The following GNA12 variants were observed in gnomAD, a reference collection of about 807,000 sequenced individuals.
GNA12 encodes G protein subunit alpha 12, also known as guanine nucleotide-binding protein subunit alpha-12.
A neutral mutation model predicts 26.0 loss-of-function variants in GNA12; 9 were observed. The observed-to-expected ratio is 0.35, with a 90% CI of 0.21 to 0.60. GNA12 has a LOEUF of 0.60. Ranked by LOEUF, GNA12 falls within the 20% of genes least tolerant of loss-of-function variation. The pLI is 0.78. For missense variants in GNA12, 405 were observed against 525.8 expected (o/e 0.77, Z 2.25); for synonymous variants, 264 against 219.6 (o/e 1.20, Z -1.79).
chr7:2,842,917 C>T (rs940624717), intron 1 of GNA12, among the ~76,000 whole-genome samples: 12 of 152,198 alleles, frequency 7.9e-5, no homozygotes, highest in Non-Finnish European at 1.5e-4. Context: ...AGGATTGGCA[C>T]AGAATTGATG....
rs145290282 is a variant in GNA12 at position 2,757,832 on chromosome 7, CAT to C, written c.526-24333_526-24332del. ...TGAACGCTTGCTGAGTCAATGAAGA[CAT>C]GTGTTTTTTCAAACCTGACTTTTTA... On this transcript the variant is annotated intron_variant, in intron 2 of 3. Transcript: ENST00000275364. Among the ~76,000 whole-genome samples, 1,412 of 152,274 alleles carry C rather than the reference CAT, an allele frequency of 9.3e-3. 15 individuals are homozygous for C. The highest frequency in any genetic ancestry group is 0.032 in the African/African-American group (1,328 of 41,542).
intron 3 of GNA12, among the ~76,000 whole-genome samples, chr7:2,732,359 C>A (rs369938940): frequency 2.0e-5 from 3 of 152,212 alleles, no homozygotes; most frequent in African/African-American, 7.2e-5. Context: ...ACAGCCTGGG[C>A]AACATAGTAA....
At chr7:2,748,814 GA>G (rs1397199931) in intron 2 of GNA12, among the ~76,000 whole-genome samples, 1 of 151,752 alleles carries the variant, frequency 6.6e-6, no homozygotes, top group Non-Finnish European at 1.5e-5. Flanking sequence ...AAATTTACAA[GA>G]AAAAAACAAA....
chr7:2,737,289 G>GTTTT (rs11389467), intron 2 of GNA12, among the ~76,000 whole-genome samples: 193 of 62,232 alleles, frequency 3.1e-3, no homozygotes, highest in Middle Eastern at 0.01. Flanking sequence ...TTTTTTTTTT[G>GTTTT]TTTTTTTTTT....
At chr7:2,780,569 T>C (rs4719676) in intron 2 of GNA12, among the ~76,000 whole-genome samples, 26,546 of 152,108 alleles carry the variant, frequency 0.17, 2,378 homozygotes, top group Non-Finnish European at 0.21. Context: ...TTTTATCTCC[T>C]GTGTATGCAC....
chr7:2,739,512 G>A (rs1790390760), intron 2 of GNA12, among the ~76,000 whole-genome samples: 1 of 152,134 alleles, frequency 6.6e-6, no homozygotes, highest in Admixed American at 6.5e-5. Flanking sequence ...GCCATTGTAT[G>A]GATATGTGGT....
intron 1 of GNA12, among the ~76,000 whole-genome samples, chr7:2,812,059 C>A (rs1467210164): frequency 1.3e-5 from 2 of 152,242 alleles, no homozygotes; most frequent in Admixed American, 1.3e-4. Context: ...TTTCACGCGA[C>A]TCCTCTCCAA....
intron 1 of GNA12, among the ~76,000 whole-genome samples, chr7:2,806,086 T>C (rs148683019): frequency 1.3e-5 from 2 of 152,386 alleles, no homozygotes; most frequent in East Asian, 3.9e-4. Context: ...TTCTCCTTAA[T>C]GTGGCTACTA....
rs112584645 is a variant in GNA12 at position 2,804,924 on chromosome 7, G to A, written c.310-9781C>T. 3.3e-3 allele frequency among the ~76,000 whole-genome samples: 503 copies of A among 151,590 alleles called. 6 individuals are homozygous for A. Among genetic ancestry groups the A allele is most frequent in the Non-Finnish European group, 3.8e-3 (256 of 67,876 alleles). On this transcript the variant is annotated intron_variant, in intron 1 of 3. Transcript: ENST00000275364. ...AATAAATTAAAAAAAAAAAGATATT[G>A]AAGAGGATACGCAGCTAATGTTCAT...
intron 1 of GNA12, chr7:2,814,424 A>T: frequency 8.7e-7 from 1 of 1,149,686 alleles, no homozygotes. Flanking sequence ...CTATAATCTG[A>T]ATTAAAGACA....
intron 1 of GNA12, among the ~76,000 whole-genome samples, 160 bp downstream of exon 1, chr7:2,843,693 G>A (rs1332943642): frequency 6.6e-6 from 1 of 150,546 alleles, no homozygotes; most frequent in East Asian, 2.0e-4. Flanking sequence ...AGCAGGCCTC[G>A]GGGAATGGGT....
At chr7:2,778,200 T>A (rs140332380) in intron 2 of GNA12, among the ~76,000 whole-genome samples, 1 of 152,304 alleles carries the variant, frequency 6.6e-6, no homozygotes, top group East Asian at 1.9e-4. Context: ...CGCCACAATT[T>A]TTTCAAAAAG....
intron 1 of GNA12, among the ~76,000 whole-genome samples, chr7:2,820,727 A>C (rs776472556): frequency 1.3e-5 from 2 of 152,140 alleles, no homozygotes; most frequent in Non-Finnish European, 2.9e-5. Context: ...AGGAAACTCC[A>C]ACTGTGTCTT....
chr7:2,756,404 C>G (rs113467909), intron 2 of GNA12, among the ~76,000 whole-genome samples: 1 of 151,950 alleles, frequency 6.6e-6, no homozygotes, highest in Admixed American at 6.6e-5. Flanking sequence ...TATAATCCTA[C>G]GAGTTCAAGA....
intron 1 of GNA12, among the ~76,000 whole-genome samples, chr7:2,810,646 CAGCACTTTGGG>C (rs1287584200): frequency 6.6e-6 from 1 of 152,116 alleles, no homozygotes; most frequent in Non-Finnish European, 1.5e-5. Flanking sequence ...TCTGTAATCC[CAGCACTTTGGG>C]AGGCTGAGGC....
intron 2 of GNA12, among the ~76,000 whole-genome samples, chr7:2,737,497 C>T (rs1790268796): frequency 1.3e-5 from 2 of 151,998 alleles, no homozygotes; most frequent in African/African-American, 2.4e-5. Flanking sequence ...CCAGGTTAAC[C>T]AGGCTGGTCT....
At chr7:2,771,467 C>A (rs1301199940) in intron 2 of GNA12, among the ~76,000 whole-genome samples, 1 of 152,210 alleles carries the variant, frequency 6.6e-6, no homozygotes, top group Non-Finnish European at 1.5e-5. Context: ...CCTGCACTCC[C>A]TTCCTGCCCA....
intron 2 of GNA12, among the ~76,000 whole-genome samples, chr7:2,785,940 G>A (rs1431596680): frequency 2.6e-5 from 4 of 152,180 alleles, no homozygotes; most frequent in South Asian, 2.1e-4. Flanking sequence ...GGTGGCGGAC[G>A]CCTGTAATCC....
At chr7:2,786,897 T>C (rs980845269) in intron 2 of GNA12, among the ~76,000 whole-genome samples, 2 of 152,136 alleles carry the variant, frequency 1.3e-5, no homozygotes, top group African/African-American at 4.8e-5. Context: ...CTGGGGACTC[T>C]GGGTCTGAAA....
Sources: allele counts gnomAD v4.1 joint callset (sites outside exome capture counted in the v4.1 genomes callset), GRCh38; gene constraint gnomAD v4.1.1; transcripts MANE v1.5; gene names NCBI Gene and HGNC (gene_info 2026-07-23, HGNC 2026-07-21).